The following PARD3B variants were observed in gnomAD, a reference collection of about 807,000 sequenced individuals.
PARD3B encodes par-3 family cell polarity regulator beta, also known as partitioning defective 3 homolog B.
In PARD3B, 103 loss-of-function variants were observed where a neutral mutation model predicts 130.2. The observed-to-expected ratio is 0.79, with a 90% confidence interval of 0.67 to 0.93. The LOEUF is 0.93. PARD3B is among the 40% of genes least tolerant of loss of function. The pLI is 0.00. For missense variants in PARD3B, 1,609 were observed against 1,499.2 expected (o/e 1.07, Z -1.21); for synonymous variants, 583 against 553.2 (o/e 1.05, Z -0.76).
chr2:204,800,695 T>C (rs2042536893), intron 2 of PARD3B, among the ~76,000 whole-genome samples: 1 of 152,216 alleles, frequency 6.6e-6, no homozygotes, highest in African/African-American at 2.4e-5. Flanking sequence ...TCTTTTGCTG[T>C]GCAGAAGCTC....
At chr2:205,028,405 CATG>C (rs2125353466) in intron 3 of PARD3B, among the ~76,000 whole-genome samples, 1 of 152,238 alleles carries the variant, frequency 6.6e-6, no homozygotes, top group East Asian at 1.9e-4. Flanking sequence ...AACATTCTTT[CATG>C]ATAACAACTC....
At chr2:205,311,779 T>G (rs2042395303) in intron 18 of PARD3B, among the ~76,000 whole-genome samples, 1 of 152,230 alleles carries the variant, frequency 6.6e-6, no homozygotes, top group Admixed American at 6.5e-5. Context: ...CAAAGGTTAT[T>G]TAATCACTTG....
At chr2:205,157,802 G>A (rs947108831) in intron 10 of PARD3B, among the ~76,000 whole-genome samples, 20 of 152,128 alleles carry the variant, frequency 1.3e-4, no homozygotes, top group Admixed American at 1.2e-3. Context: ...ATTTCTACAA[G>A]CTTGAGAGGA....
chr2:204,622,268 C>T (rs1478511683), intron 1 of PARD3B, among the ~76,000 whole-genome samples: 1 of 152,160 alleles, frequency 6.6e-6, no homozygotes, highest in African/African-American at 2.4e-5. Flanking sequence ...TCCTGTACCT[C>T]CTTGGAGGGA....
chr2:205,428,292 A>G (rs1187931753), intron 19 of PARD3B, among the ~76,000 whole-genome samples: 1 of 152,180 alleles, frequency 6.6e-6, no homozygotes, highest in African/African-American at 2.4e-5. Flanking sequence ...AGATGGGAGG[A>G]TTGCTTGAGC....
At chr2:204,764,091 T>G (rs553337427) in intron 2 of PARD3B, among the ~76,000 whole-genome samples, 2 of 151,104 alleles carry the variant, frequency 1.3e-5, no homozygotes, top group East Asian at 2.0e-4. Context: ...GTAGCAAGAG[T>G]TTAATGAGTG....
chr2:204,786,624 GTT>G (rs1212472262), intron 2 of PARD3B, among the ~76,000 whole-genome samples: 4 of 151,532 alleles, frequency 2.6e-5, no homozygotes, highest in Non-Finnish European at 4.4e-5. Context: ...TTTTTGTCCT[GTT>G]TCCCCTTGTC....
intron 2 of PARD3B, among the ~76,000 whole-genome samples, chr2:204,932,983 C>T (rs1688140501): frequency 6.6e-6 from 1 of 152,166 alleles, no homozygotes; most frequent in South Asian, 2.1e-4. Flanking sequence ...TACCCAAAGT[C>T]TTAAATCCTG....
intron 1 of PARD3B, among the ~76,000 whole-genome samples, chr2:204,658,625 T>G (rs1297672926): frequency 6.6e-6 from 1 of 152,172 alleles, no homozygotes; most frequent in Non-Finnish European, 1.5e-5. Flanking sequence ...ACAAATTATT[T>G]TTTTTTTCTT....
At chr2:204,910,377 A>C (rs777388297) in intron 2 of PARD3B, among the ~76,000 whole-genome samples, 73 of 152,180 alleles carry the variant, frequency 4.8e-4, no homozygotes, top group Non-Finnish European at 8.4e-4. Flanking sequence ...CTAGAGAAGC[A>C]AAGTTTGGGA....
chr2:205,236,759 A>G (rs1237694852), intron 15 of PARD3B, among the ~76,000 whole-genome samples: 2 of 152,328 alleles, frequency 1.3e-5, no homozygotes, highest in South Asian at 2.1e-4. Flanking sequence ...AAGCATAACC[A>G]TATGATCATA....
rs2036003672 is a variant in PARD3B, at chr2:205,184,848, T to C, written c.1925-916T>C. ...CAGTAAAGGTATTCTTGTTGCCACT[T>C]GATGGCTTTAAAAACTGAGGCTTGG... On this transcript the variant is annotated intron_variant, in intron 13 of 22. Coordinates refer to ENST00000406610, the MANE Select transcript of PARD3B (RefSeq NM_001302769.2). Among the ~76,000 whole-genome samples, 3 of 152,132 alleles carry C rather than the reference T, an allele frequency of 2.0e-5. No homozygotes were observed. The South Asian group carries it at 6.2e-4, about 31-fold the overall frequency.
rs2045275074 is a variant in PARD3B at position 205,380,219 on chromosome 2, TTA to T, written c.2631-20788_2631-20787del. 1.9e-5 allele frequency among the ~76,000 whole-genome samples: 2 copies of T among 107,514 alleles called. 1 individual carries two copies. Among genetic ancestry groups the T allele is most frequent in the African/African-American group, 7.7e-5 (2 of 26,080 alleles). 70.5% of individuals were successfully genotyped at this position (107,514 alleles called of 152,430 possible). A position where few individuals can be genotyped will look rare whatever the true frequency, so the allele number is the denominator to read the frequency against. ...TTATATAATATGTAAAGAATATATA[TTA>T]TATATTATGTAAAGAATATATATTA... is the stretch of plus-strand genomic sequence containing the variant. On this transcript the variant is annotated intron_variant, in intron 18 of 22. Transcript: ENST00000406610.
At chr2:204,559,515 C>CG (rs1553541337) in intron 1 of PARD3B, among the ~76,000 whole-genome samples, 3 of 152,008 alleles carry the variant, frequency 2.0e-5, no homozygotes, top group Non-Finnish European at 2.9e-5. Flanking sequence ...GTTAGAATGG[C>CG]ATCATTAAAA....
chr2:204,616,434 A>G (rs2034115864), intron 1 of PARD3B, among the ~76,000 whole-genome samples: 2 of 152,160 alleles, frequency 1.3e-5, no homozygotes, highest in Admixed American at 6.6e-5. Flanking sequence ...CTGCACATCT[A>G]TTAGAGTGGC....
At chr2:205,185,914 G>T in intron 14 of PARD3B, 51 bp downstream of exon 14, 2 of 1,437,366 alleles carry the variant, frequency 1.4e-6, no homozygotes, top group Non-Finnish European at 2.0e-6. Flanking sequence ...GTTTTTCTGG[G>T]AGAACACAGC....
At position 205,230,171 on chromosome 2, in the gene PARD3B, C is replaced by T. The variant is rs2038761943; in HGVS notation, c.2141-15607C>T. 6.6e-6 allele frequency among the ~76,000 whole-genome samples: 1 copy of T among 151,934 alleles called. No homozygotes were observed. Among genetic ancestry groups the T allele is most frequent in the Non-Finnish European group, 1.5e-5 (1 of 68,014 alleles). ...CTGAGCTGGTACCTAAGGTGCAAGA[C>T]CAAGTCCCTCTCCTTTTCTCAAGCA... On this transcript the variant is annotated intron_variant, in intron 15 of 22. Transcript: ENST00000406610. This position sits in a 1 kb window ranked among gnomAD's most constrained non-coding sequence, Gnocchi z 4.1.
intron 22 of PARD3B, among the ~76,000 whole-genome samples, chr2:205,577,847 T>A (rs936416247): frequency 4.6e-5 from 7 of 152,236 alleles, no homozygotes; most frequent in African/African-American, 1.4e-4. Flanking sequence ...TGGCCTGTCT[T>A]GTGGATTGAT....
At chr2:205,450,613 A>G (rs2048066777) in intron 20 of PARD3B, among the ~76,000 whole-genome samples, 1 of 151,668 alleles carries the variant, frequency 6.6e-6, no homozygotes, top group South Asian at 2.1e-4. Flanking sequence ...AGCTGGGATT[A>G]CAGGCGCCTG....
Sources: allele counts gnomAD v4.1 joint callset (sites outside exome capture counted in the v4.1 genomes callset), GRCh38; gene constraint gnomAD v4.1.1; non-coding constraint Gnocchi (gnomAD v3.1); transcripts MANE v1.5; gene names NCBI Gene and HGNC (gene_info 2026-07-23, HGNC 2026-07-21).